Variants in XYLT1 observed in about 807,000 individuals in gnomAD.
XYLT1 encodes the protein beta-D-xylosyltransferase 1.
XYLT1 carries 36 observed loss-of-function variants against 91.3 expected under a neutral mutation model. The ratio of observed to expected loss-of-function variants is 0.39; its 90% CI spans 0.30 to 0.52. XYLT1 has a LOEUF of 0.52. XYLT1 is among the 20% of genes least tolerant of loss of function. XYLT1 has a pLI of 0.68. For synonymous variants in XYLT1, 588 were observed against 532.0 expected (o/e 1.11, Z -1.45); for missense variants, 1,242 against 1,284.5 (o/e 0.97, Z 0.51).
intron 1 of XYLT1, among the ~76,000 whole-genome samples, chr16:17,397,744 C>T (rs2035905904): frequency 6.6e-6 from 1 of 152,022 alleles, no homozygotes; most frequent in African/African-American, 2.4e-5. Context: ...TTGAGTCTAG[C>T]TCACTGTCCC....
intron 1 of XYLT1, among the ~76,000 whole-genome samples, chr16:17,451,651 C>T (rs751369736): frequency 4.6e-5 from 7 of 152,192 alleles, no homozygotes; most frequent in Non-Finnish European, 1.0e-4. Context: ...TTATCAATGG[C>T]TGTTGCTGAG....
At chr16:17,252,640 T>G (rs532606455) in intron 3 of XYLT1, among the ~76,000 whole-genome samples, 1 of 152,246 alleles carries the variant, frequency 6.6e-6, no homozygotes, top group African/African-American at 2.4e-5. Context: ...AGGAGAAAAG[T>G]CCCGAGAGCA....
chr16:17,130,846 C>T (rs2030442882), intron 9 of XYLT1, among the ~76,000 whole-genome samples: 1 of 149,838 alleles, frequency 6.7e-6, no homozygotes, highest in Non-Finnish European at 1.5e-5. Flanking sequence ...AATCCAAACT[C>T]CTTACCTGGT....
intron 9 of XYLT1, among the ~76,000 whole-genome samples, chr16:17,130,413 G>A (rs1448500839): frequency 6.6e-6 from 1 of 152,196 alleles, no homozygotes; most frequent in Non-Finnish European, 1.5e-5. Context: ...AAGGAAGAGA[G>A]TGTTTCCAGA....
intron 2 of XYLT1, among the ~76,000 whole-genome samples, chr16:17,300,004 G>A (rs553166961): frequency 1.3e-5 from 2 of 152,268 alleles, no homozygotes; most frequent in Admixed American, 6.5e-5. Context: ...ACTGTGGGAA[G>A]CCTGGTAGGG....
chr16:17,211,388 G>T (rs1184431256), intron 3 of XYLT1, among the ~76,000 whole-genome samples: 1 of 152,168 alleles, frequency 6.6e-6, no homozygotes, highest in Non-Finnish European at 1.5e-5. Context: ...TGCTTTAGGG[G>T]CCCAGGAGGG....
At chr16:17,254,031 C>G (rs1036256557) in intron 3 of XYLT1, among the ~76,000 whole-genome samples, 2 of 152,182 alleles carry the variant, frequency 1.3e-5, no homozygotes, top group Non-Finnish European at 2.9e-5. Context: ...CAAGGACTCC[C>G]CTTCCTTGAG....
intron 3 of XYLT1, among the ~76,000 whole-genome samples, chr16:17,256,780 T>C (rs1005722793): frequency 1.3e-5 from 2 of 152,226 alleles, no homozygotes; most frequent in South Asian, 4.1e-4. Context: ...AATTGACCAT[T>C]TGCCTTCTCA....
chr16:17,372,915 G>A (rs932080641), intron 1 of XYLT1, among the ~76,000 whole-genome samples: 13 of 152,066 alleles, frequency 8.5e-5, no homozygotes, highest in African/African-American at 4.8e-5. Flanking sequence ...CATCAAATAC[G>A]TATTTCTTTT....
chr16:17,368,035 C>A (rs1488365328), intron 1 of XYLT1, among the ~76,000 whole-genome samples: 1 of 152,196 alleles, frequency 6.6e-6, no homozygotes, highest in Non-Finnish European at 1.5e-5. Context: ...AGCCTCTGAC[C>A]AGGACATCTA....
chr16:17,129,537 A>C (rs2030392835), intron 9 of XYLT1, among the ~76,000 whole-genome samples: 1 of 152,148 alleles, frequency 6.6e-6, no homozygotes, highest in Admixed American at 6.5e-5. Context: ...AAGTGCTGGG[A>C]TTACAGGTGT....
chr16:17,122,845 C>G (rs1468065899), intron 10 of XYLT1, among the ~76,000 whole-genome samples: 3 of 152,186 alleles, frequency 2.0e-5, no homozygotes, highest in Admixed American at 1.3e-4. Flanking sequence ...ATAGGGTGTT[C>G]TTTTCCCACT....
intron 5 of XYLT1, among the ~76,000 whole-genome samples, chr16:17,162,030 T>G (rs530735166): frequency 9.2e-5 from 14 of 152,328 alleles, no homozygotes; most frequent in Admixed American, 6.5e-4. Flanking sequence ...CCCAGCCATT[T>G]ACTAAATGTG....
chr16:17,165,103 T>C (rs967867124), intron 5 of XYLT1, among the ~76,000 whole-genome samples: 2 of 152,182 alleles, frequency 1.3e-5, no homozygotes, highest in African/African-American at 4.8e-5. Flanking sequence ...TTTAAAATCA[T>C]TATGAAAGCT....
At chr16:17,456,899 G>A (rs1008268183) in intron 1 of XYLT1, among the ~76,000 whole-genome samples, 8 of 152,102 alleles carry the variant, frequency 5.3e-5, no homozygotes, top group African/African-American at 1.9e-4. Flanking sequence ...TCTAGGAGAC[G>A]CTGCTCAGTA....
At chr16:17,112,138 G>A (rs1966842783) in intron 11 of XYLT1, among the ~76,000 whole-genome samples, 1 of 152,194 alleles carries the variant, frequency 6.6e-6, no homozygotes, top group Non-Finnish European at 1.5e-5. Context: ...AAACCCTTAT[G>A]AGAAATGAGG....
intron 2 of XYLT1, among the ~76,000 whole-genome samples, chr16:17,267,595 G>A (rs1006562532): frequency 6.6e-6 from 1 of 152,036 alleles, no homozygotes; most frequent in African/African-American, 2.4e-5. Flanking sequence ...TTTTTTAGTA[G>A]AGACGGGGTT....
chr16:17,214,107 C>T (rs2141601888), intron 3 of XYLT1, among the ~76,000 whole-genome samples: 1 of 152,298 alleles, frequency 6.6e-6, no homozygotes, highest in South Asian at 2.1e-4. Context: ...ACTTGCATTT[C>T]CCAGTGCCCC....
At chr16:17,267,552 G>A (rs938555222) in intron 2 of XYLT1, among the ~76,000 whole-genome samples, 9 of 152,150 alleles carry the variant, frequency 5.9e-5, no homozygotes, top group Admixed American at 1.3e-4. Flanking sequence ...GACTACAGGC[G>A]CCCGCCACCA....
Sources: gnomAD v4.1 joint callset for allele counts (sites outside exome capture counted in the v4.1 genomes callset) on GRCh38, gnomAD v4.1.1 for gene constraint, MANE v1.5 for transcripts, NCBI Gene and HGNC (gene_info 2026-07-23, HGNC 2026-07-21) for gene names.